Variants in TTC14 observed in about 807,000 individuals in gnomAD.
The protein encoded by TTC14 is tetratricopeptide repeat protein 14.
In TTC14, 63 loss-of-function variants were observed where a neutral mutation model predicts 79.9. That is an observed-to-expected ratio of 0.79 (90% CI 0.64 to 0.97). The LOEUF (loss-of-function observed/expected upper bound fraction) is 0.97. Ranked by LOEUF, TTC14 falls within the 50% of genes least tolerant of loss-of-function variation. TTC14 has a pLI of 0.00. For synonymous variants in TTC14, 335 were observed against 309.6 expected, an observed-to-expected ratio of 1.08 and a Z score of -0.86; for missense variants, 895 against 894.0, an observed-to-expected ratio of 1.00 and a Z score of -0.01.
At chr3:180,611,984 G>A (rs898359448), downstream of TTC14, among the ~76,000 whole-genome samples, 7 of 152,162 alleles carry the variant, frequency 4.6e-5, no homozygotes, top group Admixed American at 6.5e-5. Flanking sequence ...TTTTGCAAAT[G>A]GAACAGTGAA....
chr3:180,604,076 G>A, intron 3 of TTC14, 149 bp from the exon 4 acceptor site: 1 of 705,336 alleles, frequency 1.4e-6, no homozygotes, highest in South Asian at 1.7e-5. Flanking sequence ...TTTGGACACG[G>A]AAATTACTTT....
rs1716945936 is a variant in TTC14 at position 180,610,527 on chromosome 3, T to A, written c.2298T>A (p.Asn766Lys). 1 of 1,571,586 alleles carries A rather than the reference T, an allele frequency of 6.4e-7. No individual in the cohort carries two copies. The highest frequency in any genetic ancestry group is 8.6e-7 in the Non-Finnish European group (1 of 1,166,128). The change falls in exon 12 of 12, where the codon AAT (asparagine) becomes AAA (lysine). Residue 766 changes from asparagine to lysine, a missense_variant. By Grantham distance (94) the Asn-to-Lys change is moderately conservative. Coordinates refer to ENST00000296015, the MANE Select transcript of TTC14 (RefSeq NM_133462.4). ...CTGAATTTGAAAAAGAAAAAGGAAATAAGTCAAAAAATTAATACACCAAGG... is the reference window on the plus strand; with the variant it reads ...CTGAATTTGAAAAAGAAAAAGGAAAAAAGTCAAAAAATTAATACACCAAGG... ...QIAEFEKEKGNKSKN is the reference protein window; with the variant it reads ...QIAEFEKEKGKKSKN
At chr3:180,616,336 T>TGCTA (rs1717239779) in intron 12 of TTC14, 4 of 1,613,178 alleles carry the variant, frequency 2.5e-6, no homozygotes, top group African/African-American at 1.3e-5. Context: ...CTGCCTTTTG[T>TGCTA]GCTAGCTGTA....
At position 180,609,846 on chromosome 3, in the gene TTC14, T is replaced by G. The variant is rs190377523; in HGVS notation, c.1617T>G (p.Val539=). 3.5e-4 allele frequency: 560 copies of G among 1,613,678 alleles called. 1 individual carries two copies. The highest frequency in any genetic ancestry group is 4.5e-4 in the Non-Finnish European group (529 of 1,179,860). Residue 539 remains valine, a synonymous_variant, in exon 12 of 12, where the codon GTT becomes GTG. Transcript: ENST00000296015. ...ATAGGAAAGATGAGTGCTACCCAGT[T>G]CCAGCTAATACTTCAGCATCTTTTC... ...DQNRKDECYP[V]PANTSASFLN...
rs151103043 is a variant in TTC14 at position 180,602,948 on chromosome 3, T to C, written c.219T>C (p.Asp73=). ...AGAAATTCATCTCCAAAAAAGCGGA[T>C]CTGCTTTTTGCACTTTCCTGGAAAT... ...EIQKFISKKA[D]LLFALSWKSD... Residue 73 remains aspartate, a synonymous_variant, in exon 2 of 12, where the codon GAT becomes GAC. Transcript: ENST00000296015. The C allele has an allele frequency of 2.4e-4, 395 of 1,613,894 alleles. No homozygotes were observed. Among genetic ancestry groups the C allele is most frequent in the Non-Finnish European group, 3.2e-4 (382 of 1,180,008 alleles).
At chr3:180,606,628 G>A (rs774752130) in intron 9 of TTC14, 25 bp downstream of exon 9, 5 of 1,597,062 alleles carry the variant, frequency 3.1e-6, no homozygotes, top group Non-Finnish European at 2.6e-6. Context: ...TTGTTTAATA[G>A]TGGAGGTCTA....
downstream of TTC14, chr3:180,615,014 G>T: frequency 6.4e-7 from 1 of 1,560,058 alleles, no homozygotes; most frequent in East Asian, 2.4e-5. Flanking sequence ...AGGAGGCCGG[G>T]AATTTAAGCT....
rs747864296 is a variant in TTC14 at position 180,602,222 on chromosome 3, C to G, written c.-40C>G. The G allele has an allele frequency of 6.2e-7, 1 of 1,608,304 alleles. No homozygotes were observed. The highest frequency in any genetic ancestry group is 8.5e-7 in the Non-Finnish European group (1 of 1,177,302). ...CAAGTAGCGGACACGGAACAGGGAA[C>G]TATCAGCCCGTCGGCCTCCGGGCCC... is the stretch of plus-strand genomic sequence containing the variant. On this transcript the variant is annotated 5_prime_UTR_variant, in exon 1 of 12. Coordinates refer to ENST00000296015, the MANE Select transcript of TTC14 (RefSeq NM_133462.4).
Position 180,607,719 on chromosome 3 carries a change from T to C in TTC14, c.1244T>C (p.Phe415Ser), listed in dbSNP as rs1440386120. The change falls in exon 10 of 12, where the codon TTT becomes TCT. Residue 415 changes from phenylalanine (F) to serine (S), a missense_variant. Physicochemically the swap from Phe to Ser is radical, Grantham distance 155. Transcript: ENST00000296015. ...AAAGCTTTGGCTTTGGATGAGACTTTTAAAGATGCAGAGGATGCTTTGCAG... is the reference window on the plus strand; with the variant it reads ...AAAGCTTTGGCTTTGGATGAGACTTCTAAAGATGCAGAGGATGCTTTGCAG... Reference protein sequence around the residue: ...YKKALALDETFKDAEDALQKL... With the variant: ...YKKALALDETSKDAEDALQKL... 3 of 1,612,392 alleles carry C rather than the reference T, an allele frequency of 1.9e-6. No individual in the cohort carries two copies. The highest frequency in any genetic ancestry group is 2.5e-6 in the Non-Finnish European group (3 of 1,179,312).
At chr3:180,605,988 C>G (rs1161206079) in intron 7 of TTC14, 151 bp downstream of exon 7, 4 of 889,870 alleles carry the variant, frequency 4.5e-6, no homozygotes, top group Non-Finnish European at 6.9e-6. Flanking sequence ...TGTAAGTAGT[C>G]TTACATTTTA....
downstream of TTC14, chr3:180,614,579 TTTC>T: frequency 5.0e-6 from 1 of 201,542 alleles, no homozygotes; most frequent in East Asian, 1.6e-4. Context: ...TCTTTAGAAA[TTTC>T]TTCTTGAAAG....
chr3:180,614,997 A>AG, downstream of TTC14: 1 of 1,562,386 alleles, frequency 6.4e-7, no homozygotes, highest in East Asian at 2.3e-5. Flanking sequence ...GCTGCCTACT[A>AG]GTGAAGAGGA....
Position 180,605,795 on chromosome 3 carries a change from C to T in TTC14, c.887C>T (p.Ser296Phe), listed in dbSNP as rs772486925. 41 of 1,568,214 alleles carry T rather than the reference C, an allele frequency of 2.6e-5. No homozygotes were observed. The highest frequency in any genetic ancestry group is 1.5e-5 in the Non-Finnish European group (18 of 1,167,156). The stretch of plus-strand genomic sequence containing the variant: ...AATTTCTCTGAAGATGATTTTGCTT[C>T]TGCATTGAGAAAAAAACAATCCGCA... The part of the protein sequence containing the change: ...SKNFSEDDFA[S>F]ALRKKQSASW... The change falls in exon 7 of 12, where the codon TCT becomes TTT. Residue 296 changes from serine to phenylalanine, a missense_variant. By Grantham distance (155) the Ser-to-Phe change is radical. Transcript: ENST00000296015.
chr3:180,611,125 C>T lies in TTC14; in HGVS notation c.*583C>T. 1 of 985,150 alleles carries T rather than the reference C, an allele frequency of 1.0e-6. No homozygotes were observed. The highest frequency in any genetic ancestry group is 1.2e-6 in the Non-Finnish European group (1 of 829,832). 61.0% of individuals were successfully genotyped at this position (985,150 alleles called of 1,614,324 possible). A position where few individuals can be genotyped will look rare whatever the true frequency, so the allele number is the denominator to read the frequency against. The stretch of plus-strand genomic sequence containing the variant: ...AATTTGATTAAAAGTGGTTTGTGAA[C>T]AGTCATTGGCTTCCACCCAGCATAA... On this transcript the variant is annotated 3_prime_UTR_variant, in exon 12 of 12. Transcript: ENST00000296015.
chr3:180,609,600 TA>T (rs2108397557), intron 11 of TTC14, 29 bp from the exon 12 acceptor site: 3 of 1,484,234 alleles, frequency 2.0e-6, no homozygotes, highest in Non-Finnish European at 2.7e-6. Flanking sequence ...CATTTTTGTA[TA>T]TATATGACAA....
At chr3:180,614,941 T>C, downstream of TTC14, 3 of 1,565,122 alleles carry the variant, frequency 1.9e-6, no homozygotes, top group Non-Finnish European at 2.6e-6. Flanking sequence ...CTCTTTTTGC[T>C]CTTAACATTA....
Position 180,602,263 on chromosome 3 carries a change from TG to T in TTC14, c.4del (p.Asp2?), listed in dbSNP as rs1716397035. On this transcript the variant is annotated frameshift_variant and start_lost, in exon 1 of 12. Coordinates refer to ENST00000296015, the MANE Select transcript of TTC14 (RefSeq NM_133462.4). LOFTEE classifies it high-confidence loss of function. Reference sequence around the variant, plus strand: ...CTCCGGGCCCTGCATTCTCTAGCCATGGACCGGGACCTTTTGCGGCAGTCGC... The same window carrying T: ...CTCCGGGCCCTGCATTCTCTAGCCATGACCGGGACCTTTTGCGGCAGTCGC... [M>X]DRDLLRQSLN... 2.5e-6 allele frequency: 4 copies of T among 1,613,794 alleles called. No homozygotes were observed. Among genetic ancestry groups the T allele is most frequent in the Non-Finnish European group, 1.7e-6 (2 of 1,179,972 alleles).
At position 180,610,776 on chromosome 3, in the gene TTC14, T is replaced by G. The variant is rs878923874; in HGVS notation, c.*234T>G. 1.8e-6 allele frequency: 2 copies of G among 1,085,716 alleles called. No individual in the cohort carries two copies. The highest frequency in any genetic ancestry group is 2.2e-6 in the Non-Finnish European group (2 of 893,882). 67.3% of individuals were successfully genotyped at this position (1,085,716 alleles called of 1,614,324 possible). On this transcript the variant is annotated 3_prime_UTR_variant, in exon 12 of 12. Coordinates refer to ENST00000296015, the MANE Select transcript of TTC14 (RefSeq NM_133462.4). Reference sequence around the variant, plus strand: ...ATGTTTATGTACAGTATATTACTCTTGACAGTTTGAATTTCTTCACCTAAA... The same window carrying G: ...ATGTTTATGTACAGTATATTACTCTGGACAGTTTGAATTTCTTCACCTAAA...
downstream of TTC14, chr3:180,613,963 A>G (rs1049390788): frequency 5.0e-6 from 2 of 399,410 alleles, no homozygotes; most frequent in Admixed American, 3.4e-5. Flanking sequence ...GACAGTTGTA[A>G]TGAGCATTTT....
Sources: gnomAD v4.1 joint callset for allele counts (sites outside exome capture counted in the v4.1 genomes callset) on GRCh38, gnomAD v4.1.1 for gene constraint, MANE v1.5 for transcripts, NCBI Gene and HGNC (gene_info 2026-07-23, HGNC 2026-07-21) for gene names.